SCAMP4: variants seen among roughly 807,000 people sequenced by gnomAD.
SCAMP4 encodes the protein secretory carrier-associated membrane protein 4.
Under a neutral mutation model 32.1 loss-of-function variants are expected in SCAMP4, and 19 were observed. The observed-to-expected ratio is 0.59, with a 90% confidence interval of 0.41 to 0.87. The LOEUF is 0.87. Ranked by LOEUF, SCAMP4 falls within the 40% of genes least tolerant of loss-of-function variation. The pLI is 0.00. For synonymous variants in SCAMP4, 152 were observed against 132.7 expected (o/e 1.15, Z -1.00); for missense variants, 302 against 309.0 (o/e 0.98, Z 0.17).
rs369144370 is a variant in SCAMP4 at position 1,923,081 on chromosome 19, C to T, written c.407C>T (p.Ser136Leu). 199 of 1,549,528 alleles carry T rather than the reference C, an allele frequency of 1.3e-4. No individual in the cohort carries two copies. Among genetic ancestry groups the T allele is most frequent in the African/African-American group, 4.8e-4 (35 of 73,120 alleles). ...CTTGTCCCTTGCAGCGGCTGGCTGTCGGCAATTGGATTCTTCCAGTACAGC... is the reference window on the plus strand; with the variant it reads ...CTTGTCCCTTGCAGCGGCTGGCTGTTGGCAATTGGATTCTTCCAGTACAGC... ...FSGWGACGWLSAIGFFQYSPG... is the reference protein window; with the variant it reads ...FSGWGACGWLLAIGFFQYSPG... Residue 136 changes from serine to leucine, a missense_variant, in exon 6 of 7, where the codon TCG becomes TTG. By Grantham distance (145) the Ser-to-Leu change is moderately radical. Coordinates refer to ENST00000316097, the MANE Select transcript of SCAMP4 (RefSeq NM_079834.4).
rs911457609 is a variant in SCAMP4, at chr19:1,921,577, C to T, written c.396-1493C>T. 9.1e-6 allele frequency: 9 copies of T among 985,378 alleles called. No individual in the cohort carries two copies. The South Asian group carries it at 1.9e-4, about 21-fold the overall frequency. 61.0% of individuals were successfully genotyped at this position (985,378 alleles called of 1,614,324 possible). ...CCTGACACTTGCATGCGGGGGCGTGCGATGCTGGCCAGTGGGAAGCTGCGG... is the reference window on the plus strand; with the variant it reads ...CCTGACACTTGCATGCGGGGGCGTGTGATGCTGGCCAGTGGGAAGCTGCGG... On this transcript the variant is annotated intron_variant, in intron 5 of 6. Coordinates refer to ENST00000316097, the MANE Select transcript of SCAMP4 (RefSeq NM_079834.4).
In SCAMP4 at chr19:1,913,399, C is replaced by T. The variant is rs1394052331; in HGVS notation, c.-41-1580C>T. 36 of 602,560 alleles carry T rather than the reference C, an allele frequency of 6.0e-5. 1 individual carries two copies. The highest frequency in any genetic ancestry group is 1.8e-5 in the Non-Finnish European group (6 of 341,036). 37.3% of individuals were successfully genotyped at this position (602,560 alleles called of 1,614,324 possible). On this transcript the variant is annotated intron_variant, in intron 1 of 6. Transcript: ENST00000316097. ...TGCTGCGTTTGTGTCCCCTCTGTCT[C>T]GCGGGCCGGGAAACTGCTCTGATGG... is the stretch of plus-strand genomic sequence containing the variant.
intron 1 of SCAMP4, among the ~76,000 whole-genome samples, chr19:1,909,902 T>C (rs911450260): frequency 6.6e-6 from 1 of 152,230 alleles, no homozygotes; most frequent in Admixed American, 6.5e-5. Flanking sequence ...GGGCTTACGT[T>C]TCGTGGCTTG....
Position 1,916,396 on chromosome 19 carries a change from G to A in SCAMP4, c.8-1298G>A, listed in dbSNP as rs557197475. Among the ~76,000 whole-genome samples, 20 of 152,276 alleles carry A rather than the reference G, an allele frequency of 1.3e-4. No homozygotes were observed. The East Asian group carries it at 3.5e-3, about 26-fold the overall frequency. ...TCCCCGGAGCCTGCAGAGGGAGCGCGTTCCTGAGACACCTTGATCTCAGAT... is the reference window on the plus strand; with the variant it reads ...TCCCCGGAGCCTGCAGAGGGAGCGCATTCCTGAGACACCTTGATCTCAGAT... On this transcript the variant is annotated intron_variant, in intron 2 of 6. Transcript: ENST00000316097.
At position 1,918,196 on chromosome 19, in the gene SCAMP4, C is replaced by T. The variant is rs762126623; in HGVS notation, c.206C>T (p.Thr69Ile). Residue 69 changes from threonine (T) to isoleucine (I), a missense_variant, in exon 4 of 7, where the codon ACC (threonine) becomes ATC (isoleucine). Thr to Ile is a moderately conservative substitution (Grantham distance 89). Transcript: ENST00000316097. ...TGGTGGATCGGCGGAGGCTCGGGGACCAACTTCGGCCTGGCCTTCGTGTGG... is the reference window on the plus strand; with the variant it reads ...TGGTGGATCGGCGGAGGCTCGGGGATCAACTTCGGCCTGGCCTTCGTGTGG... The part of the protein sequence containing the change: ...LAWWIGGGSG[T>I]NFGLAFVWLL... 1.4e-5 allele frequency: 23 copies of T among 1,612,514 alleles called. No homozygotes were observed. The South Asian group carries it at 2.5e-4, about 18-fold the overall frequency.
intron 1 of SCAMP4, chr19:1,913,211 C>T: frequency 6.9e-7 from 1 of 1,458,120 alleles, no homozygotes; most frequent in Non-Finnish European, 9.0e-7. Context: ...CCCTCCTGGA[C>T]TTCCGGGCCT....
chr19:1,913,192 G>A (rs758122032), intron 1 of SCAMP4: 1 of 1,469,852 alleles, frequency 6.8e-7, no homozygotes, highest in South Asian at 1.4e-5. Flanking sequence ...GCTCCCGGCC[G>A]TGGGGCGCCC....
chr19:1,913,534 G>A (rs10424273), intron 1 of SCAMP4: 38,205 of 240,060 alleles, frequency 0.16, 3,743 homozygotes, highest in East Asian at 0.27. Context: ...CTCAGCCGGA[G>A]GGGACCTGCT....
chr19:1,916,309 G>A (rs375333956), intron 2 of SCAMP4, among the ~76,000 whole-genome samples: 9 of 152,052 alleles, frequency 5.9e-5, no homozygotes, highest in African/African-American at 1.9e-4. Flanking sequence ...AGAGCTATGC[G>A]GCCATGAGCC....
At chr19:1,912,334 C>T (rs1184179135) in intron 1 of SCAMP4, 3 of 1,537,040 alleles carry the variant, frequency 2.0e-6, no homozygotes, top group African/African-American at 1.4e-5. Context: ...CGGGTGCGGC[C>T]CAGCCGCGAT....
At chr19:1,921,025 A>G (rs1201508609) in intron 5 of SCAMP4, 1 of 985,304 alleles carries the variant, frequency 1.0e-6, no homozygotes, top group Non-Finnish European at 1.2e-6. Context: ...CGCTCTTGAG[A>G]AAGAAACCCA....
In SCAMP4 at chr19:1,908,488, G is replaced by A. The variant is rs751543307; in HGVS notation, c.-42+3049G>A. On this transcript the variant is annotated intron_variant, in intron 1 of 6. Transcript: ENST00000316097. This position sits in a 1 kb window ranked among gnomAD's most constrained non-coding sequence, Gnocchi z 4.2. ...GATCCAGAGACACATCCCTGTCTGCGGGAGGAGCCGTCCATACCAGCGGGG... is the reference window on the plus strand; with the variant it reads ...GATCCAGAGACACATCCCTGTCTGCAGGAGGAGCCGTCCATACCAGCGGGG... 4.0e-5 allele frequency: 19 copies of A among 470,882 alleles called. No individual in the cohort carries two copies. Among genetic ancestry groups the A allele is most frequent in the African/African-American group, 1.4e-4 (7 of 50,068 alleles). The allele number at this position is 470,882 out of a possible 1,614,324, so 29.2% of individuals were successfully genotyped here.
rs1258840527 is a variant in SCAMP4 at position 1,925,872 on chromosome 19, C to T, written c.*1588C>T. The T allele has an allele frequency of 1.3e-5, 2 of 152,448 alleles. No individual in the cohort carries two copies. Among genetic ancestry groups the T allele is most frequent in the African/African-American group, 2.4e-5 (1 of 41,316 alleles). The allele number at this position is 152,448 out of a possible 1,614,324, so 9.4% of individuals were successfully genotyped here. A position where few individuals can be genotyped will look rare whatever the true frequency, so the allele number is the denominator to read the frequency against. Reference sequence around the variant, plus strand: ...GGCACCCCCTTCCCCAGCCTCTCGCCTGCACTGATGCAGACAAAATCTCAC... The same window carrying T: ...GGCACCCCCTTCCCCAGCCTCTCGCTTGCACTGATGCAGACAAAATCTCAC... On this transcript the variant is annotated 3_prime_UTR_variant, in exon 7 of 7. Transcript: ENST00000316097.
At chr19:1,922,841 A>G (rs971203522) in intron 5 of SCAMP4, 40 of 1,257,772 alleles carry the variant, frequency 3.2e-5, no homozygotes, top group Admixed American at 4.2e-5. Flanking sequence ...TGTCCACTGC[A>G]CACGCGGCTC....
In SCAMP4 at chr19:1,912,482, C is replaced by T. The variant is rs536244000; in HGVS notation, c.-41-2497C>T. On this transcript the variant is annotated intron_variant, in intron 1 of 6. Transcript: ENST00000316097. Reference sequence around the variant, plus strand: ...GGCAACCCTTCCTGGTGCCCGTGCCCGCCCGGCCGCCTCTGACCAGGGGCC... The same window carrying T: ...GGCAACCCTTCCTGGTGCCCGTGCCTGCCCGGCCGCCTCTGACCAGGGGCC... The T allele has an allele frequency of 2.3e-5, 34 of 1,499,342 alleles. No individual in the cohort carries two copies. In the South Asian group the frequency reaches 3.0e-4, roughly 13 times the overall value. 92.9% of individuals were successfully genotyped at this position (1,499,342 alleles called of 1,614,324 possible).
At chr19:1,912,018 G>A (rs1197985481) in intron 1 of SCAMP4, 11 of 1,418,166 alleles carry the variant, frequency 7.8e-6, no homozygotes, top group South Asian at 1.5e-5. Context: ...CGGACTCCCC[G>A]GCTCTCCCCC....
At chr19:1,913,298 TC>T (rs879612081) in intron 1 of SCAMP4, 2 of 1,219,022 alleles carry the variant, frequency 1.6e-6, no homozygotes, top group Non-Finnish European at 2.2e-6. Context: ...GGTGCTGCCT[TC>T]CGTGCGGATC....
chr19:1,905,425 G>C lies in SCAMP4; in HGVS notation c.-56G>C, dbSNP rs2013046813. The stretch of plus-strand genomic sequence containing the variant: ...AGACTTGGCGAAGCGCTGCGCTCGC[G>C]CCCGGATCCCTCAGGTAAGCGCGCG... On this transcript the variant is annotated 5_prime_UTR_variant, in exon 1 of 7. Transcript: ENST00000316097. 4.3e-6 allele frequency: 2 copies of C among 463,564 alleles called. No homozygotes were observed. The highest frequency in any genetic ancestry group is 1.6e-5 in the South Asian group (1 of 63,226). 28.7% of individuals were successfully genotyped at this position (463,564 alleles called of 1,614,324 possible).
Position 1,908,266 on chromosome 19 carries a change from T to C in SCAMP4, c.-42+2827T>C, listed in dbSNP as rs1446159908. On this transcript the variant is annotated intron_variant, in intron 1 of 6. Transcript: ENST00000316097. The surrounding 1 kb of genome is among the most constrained non-coding windows in gnomAD (Gnocchi z 4.2). The stretch of plus-strand genomic sequence containing the variant: ...CGCGCTTCCTGCTCCCGGCTCCCAC[T>C]GCATCTCCGGTTCTGTGCTTTGTTG... 7.0e-6 allele frequency: 2 copies of C among 283,946 alleles called. No homozygotes were observed. The highest frequency in any genetic ancestry group is 7.0e-6 in the Non-Finnish European group (1 of 142,586). 17.6% of individuals were successfully genotyped at this position (283,946 alleles called of 1,614,324 possible).
Sources: allele counts gnomAD v4.1 joint callset (sites outside exome capture counted in the v4.1 genomes callset), GRCh38; gene constraint gnomAD v4.1.1; non-coding constraint Gnocchi (gnomAD v3.1); transcripts MANE v1.5; gene names NCBI Gene and HGNC (gene_info 2026-07-23, HGNC 2026-07-21).